EHMT1: variants seen among roughly 807,000 people sequenced by gnomAD.
EHMT1 encodes the protein euchromatic histone lysine methyltransferase 1, also known as histone-lysine N-methyltransferase EHMT1.
A neutral mutation model predicts 147.2 loss-of-function variants in EHMT1; 15 were observed. The observed-to-expected ratio is 0.10, with a 90% CI of 0.07 to 0.16. The LOEUF is 0.16. EHMT1 is among the 10% of genes least tolerant of loss of function. The pLI is 1.00. For missense variants in EHMT1, 1,587 were observed against 1,772.4 expected (o/e 0.90, Z 1.88); for synonymous variants, 795 against 709.6 (o/e 1.12, Z -1.91).
At chr9:137,636,577 C>G (rs1325359125) in intron 1 of EHMT1, among the ~76,000 whole-genome samples, 1 of 151,992 alleles carries the variant, frequency 6.6e-6, no homozygotes, top group Non-Finnish European at 1.5e-5. Context: ...CCTTTTATTT[C>G]TAGCTTGTTG....
At chr9:137,717,273 A>G in intron 3 of EHMT1, 91 bp downstream of exon 3, 1 of 1,488,532 alleles carries the variant, frequency 6.7e-7, no homozygotes, top group Non-Finnish European at 9.1e-7. Context: ...AGGAGAAGCC[A>G]GTAAGTGTCA....
chr9:137,731,599 T>C lies in EHMT1; in HGVS notation c.823+3070T>C, dbSNP rs7850951. Among the ~76,000 whole-genome samples the C allele has an allele frequency of 0.14, 21,056 of 152,128 alleles. 3,391 individuals are homozygous for C. The highest frequency in any genetic ancestry group is 0.39 in the African/African-American group (16,369 of 41,450). On this transcript the variant is annotated intron_variant, in intron 4 of 26. Transcript: ENST00000460843. The surrounding 1 kb of genome is among the most constrained non-coding windows in gnomAD (Gnocchi z 4.3). ...AGGAATCGGGGTACGTCCTATCCTG[T>C]TGTCACAGGATCCCTTGAGTGTCCC...
At chr9:137,767,550 C>T (rs7025084) in intron 10 of EHMT1, among the ~76,000 whole-genome samples, 7,447 of 152,240 alleles carry the variant, frequency 0.049, 601 homozygotes, top group African/African-American at 0.17. Context: ...AGGTGGCTCA[C>T]GCCTATAATC....
At chr9:137,714,893 C>T (rs1364700770) in intron 2 of EHMT1, among the ~76,000 whole-genome samples, 1 of 152,084 alleles carries the variant, frequency 6.6e-6, no homozygotes, top group Non-Finnish European at 1.5e-5. Flanking sequence ...TAATGTCATC[C>T]ATTTAGGAGC....
rs548951549 is a variant in EHMT1, at chr9:137,695,783, A to G, written c.22-15184A>G. Among the ~76,000 whole-genome samples, 20 of 152,362 alleles carry G rather than the reference A, an allele frequency of 1.3e-4. No homozygotes were observed. The South Asian group carries it at 4.1e-3, about 32-fold the overall frequency. On this transcript the variant is annotated intron_variant, in intron 1 of 26. Transcript: ENST00000460843. ...CGTCTGTGTCATGGGCTGCCACTTC[A>G]GCCACATACTTCAGGTCCACCCAGG...
At chr9:137,679,820 T>A (rs1306006834) in intron 1 of EHMT1, among the ~76,000 whole-genome samples, 2 of 152,220 alleles carry the variant, frequency 1.3e-5, no homozygotes, top group Admixed American at 1.3e-4. Flanking sequence ...AGCTTTTCCT[T>A]TGTGATTTCT....
intron 1 of EHMT1, among the ~76,000 whole-genome samples, chr9:137,631,705 G>C (rs139589774): frequency 1.3e-5 from 2 of 152,092 alleles, no homozygotes; most frequent in Non-Finnish European, 2.9e-5. Context: ...ATGAGACCCT[G>C]TCTCTACAAA....
chr9:137,668,493 C>T (rs1276385544), intron 1 of EHMT1, among the ~76,000 whole-genome samples: 4 of 152,188 alleles, frequency 2.6e-5, no homozygotes, highest in South Asian at 2.1e-4. Context: ...ATATTAATGA[C>T]TTACTATATA....
At chr9:137,728,256 T>G (rs1946803608) in intron 3 of EHMT1, 93 bp from the exon 4 acceptor site, 1 of 1,541,592 alleles carries the variant, frequency 6.5e-7, no homozygotes, top group African/African-American at 1.4e-5. Flanking sequence ...TTGTGGGGAA[T>G]TATCGGGGAG....
chr9:137,700,304 G>T lies in EHMT1; in HGVS notation c.22-10663G>T, dbSNP rs554539086. 1.4e-4 allele frequency among the ~76,000 whole-genome samples: 22 copies of T among 152,270 alleles called. No homozygotes were observed. In the East Asian group the frequency reaches 4.2e-3, roughly 29 times the overall value. On this transcript the variant is annotated intron_variant, in intron 1 of 26. Coordinates refer to ENST00000460843, the MANE Select transcript of EHMT1 (RefSeq NM_024757.5). ...AGCTGCTTGTGTACTTGGCCTCCAC[G>T]TGCAGCATGGGGTCTGAGTTCTACT... is the stretch of plus-strand genomic sequence containing the variant.
intron 25 of EHMT1, chr9:137,834,060 C>G: frequency 1.9e-6 from 1 of 515,156 alleles, no homozygotes; most frequent in East Asian, 3.5e-5. Context: ...TTCCACCGCG[C>G]TGGAAGCCCC....
intron 1 of EHMT1, among the ~76,000 whole-genome samples, chr9:137,688,950 C>T (rs1942696635): frequency 6.6e-6 from 1 of 152,132 alleles, no homozygotes; most frequent in East Asian, 1.9e-4. Context: ...AGTGACTGTC[C>T]TGATGGGAGT....
intron 16 of EHMT1, among the ~76,000 whole-genome samples, chr9:137,791,580 T>G (rs1450111925): frequency 6.6e-6 from 1 of 152,180 alleles, no homozygotes; most frequent in African/African-American, 2.4e-5. Context: ...ATTTGTTAGT[T>G]GAAAACTAAC....
chr9:137,774,337 G>C (rs930426647), intron 10 of EHMT1, among the ~76,000 whole-genome samples: 1 of 151,986 alleles, frequency 6.6e-6, no homozygotes, highest in Non-Finnish European at 1.5e-5. Flanking sequence ...GGATGTGGTC[G>C]CGTCTGGCCC....
At chr9:137,702,213 C>T (rs1042923431) in intron 1 of EHMT1, among the ~76,000 whole-genome samples, 6 of 152,210 alleles carry the variant, frequency 3.9e-5, no homozygotes, top group Non-Finnish European at 7.3e-5. Context: ...TCTCACATTT[C>T]AAAACACAAA....
At chr9:137,638,139 C>G (rs1459285326) in intron 1 of EHMT1, 1 of 149,416 alleles carries the variant, frequency 6.7e-6, no homozygotes, top group Non-Finnish European at 1.5e-5. Flanking sequence ...AAGATGGAGT[C>G]TCGCCCTTTT....
intron 25 of EHMT1, among the ~76,000 whole-genome samples, chr9:137,824,195 G>A (rs1955653326): frequency 6.6e-6 from 1 of 152,166 alleles, no homozygotes; most frequent in African/African-American, 2.4e-5. Context: ...TGAAGCTGCA[G>A]TGAGCCGTGA....
At chr9:137,709,980 CA>C (rs1944556499) in intron 1 of EHMT1, among the ~76,000 whole-genome samples, 1 of 152,166 alleles carries the variant, frequency 6.6e-6, no homozygotes, top group African/African-American at 2.4e-5. Context: ...GAGTGGTCAG[CA>C]GCCCTCTTCC....
chr9:137,746,218 G>A (rs1392914077), intron 6 of EHMT1: 1 of 152,264 alleles, frequency 6.6e-6, no homozygotes, highest in Non-Finnish European at 1.5e-5. Context: ...GGGCTGAAGC[G>A]ATCCTCCTGC....
Sources: gnomAD v4.1 joint callset for allele counts (sites outside exome capture counted in the v4.1 genomes callset) on GRCh38, gnomAD v4.1.1 for gene constraint, Gnocchi (gnomAD v3.1) non-coding constraint, MANE v1.5 for transcripts, NCBI Gene and HGNC (gene_info 2026-07-23, HGNC 2026-07-21) for gene names.